The following RPF2 variants were observed in gnomAD, a reference collection of about 807,000 sequenced individuals.
RPF2 encodes ribosome production factor 2 homolog, also known as brix domain containing 1.
RPF2 carries 21 observed loss-of-function variants against 38.9 expected under a neutral mutation model. The observed-to-expected ratio is 0.54, with a 90% CI of 0.38 to 0.78. The LOEUF (loss-of-function observed/expected upper bound fraction) is 0.78. Among genes scored for constraint, RPF2 ranks in the 30% least tolerant of loss-of-function variants. RPF2 has a pLI of 0.00. For synonymous variants in RPF2, 121 were observed against 126.2 expected, an observed-to-expected ratio of 0.96 and a Z score of 0.28; for missense variants, 314 against 358.1, an observed-to-expected ratio of 0.88 and a Z score of 0.99.
At chr6:110,987,203 G>A (rs963617436) in intron 2 of RPF2, among the ~76,000 whole-genome samples, 1 of 151,832 alleles carries the variant, frequency 6.6e-6, no homozygotes, top group South Asian at 2.1e-4. Flanking sequence ...CAAGTAGCTG[G>A]GAGCCACCAC....
At chr6:110,994,235 A>G (rs1169959920) in intron 4 of RPF2, among the ~76,000 whole-genome samples, 1 of 149,664 alleles carries the variant, frequency 6.7e-6, no homozygotes, top group African/African-American at 2.5e-5. Context: ...AGATTGTGGC[A>G]TTGCACTCCA....
intron 8 of RPF2, among the ~76,000 whole-genome samples, chr6:111,018,601 A>G (rs1301203957): frequency 6.6e-6 from 1 of 152,192 alleles, no homozygotes; most frequent in African/African-American, 2.4e-5. Flanking sequence ...CTCTTAGCTG[A>G]TAATTTCCAT....
At position 110,991,728 on chromosome 6, in the gene RPF2, A is replaced by G; in HGVS notation, c.195-19A>G. 3.0e-6 allele frequency: 3 copies of G among 1,012,100 alleles called. No homozygotes were observed. Among genetic ancestry groups the G allele is most frequent in the Non-Finnish European group, 4.3e-6 (3 of 692,960 alleles). 62.7% of individuals were successfully genotyped at this position (1,012,100 alleles called of 1,614,324 possible). On this transcript the variant is annotated intron_variant, in intron 3 of 9. Coordinates refer to ENST00000441448, the MANE Select transcript of RPF2 (RefSeq NM_032194.3). ...ACTTATTTAGATTATTAAAATTGTCACTTTTTTGATATTCTTAGGAAAAAT... is the reference window on the plus strand; with the variant it reads ...ACTTATTTAGATTATTAAAATTGTCGCTTTTTTGATATTCTTAGGAAAAAT...
chr6:111,013,591 A>G (rs1772055275), intron 7 of RPF2, among the ~76,000 whole-genome samples: 1 of 152,152 alleles, frequency 6.6e-6, no homozygotes, highest in African/African-American at 2.4e-5. Context: ...CCATGTGCTT[A>G]TTGTGTTCCT....
At chr6:111,012,328 G>A (rs559731911) in intron 7 of RPF2, among the ~76,000 whole-genome samples, 18 of 151,732 alleles carry the variant, frequency 1.2e-4, no homozygotes, top group South Asian at 6.3e-4. Context: ...ACGTCACCAC[G>A]CCCAGCTAAT....
chr6:111,011,729 A>T (rs1219487860), intron 7 of RPF2, among the ~76,000 whole-genome samples: 4 of 152,198 alleles, frequency 2.6e-5, no homozygotes. Context: ...TGAGGCAGAT[A>T]CTTACAATTT....
rs548635285 is a variant in RPF2, at chr6:111,028,039, G to A, written c.*2457G>A. On this transcript the variant is annotated 3_prime_UTR_variant, in exon 10 of 10. Transcript: ENST00000441448. ...TGTTGGGTTTTGGTAGATGAGGAAA[G>A]CATTTTGGTTATTTGTTTTGTTTTA... 33 of 152,152 alleles carry A rather than the reference G, an allele frequency of 2.2e-4. No individual in the cohort carries two copies. Among genetic ancestry groups the A allele is most frequent in the African/African-American group, 7.2e-4 (30 of 41,520 alleles). 9.4% of individuals were successfully genotyped at this position (152,152 alleles called of 1,614,324 possible).
chr6:110,995,908 T>G (rs3904927), intron 4 of RPF2, among the ~76,000 whole-genome samples: 13,793 of 151,326 alleles, frequency 0.091, 699 homozygotes, highest in Middle Eastern at 0.13. Context: ...GATCTCCTGG[T>G]CTCAAGCGAT....
intron 8 of RPF2, among the ~76,000 whole-genome samples, chr6:111,019,265 G>C: frequency 6.6e-6 from 1 of 152,084 alleles, no homozygotes; most frequent in East Asian, 1.9e-4. Context: ...TGTAATCCCA[G>C]CTACTTGGGA....
At chr6:111,015,089 T>TAA (rs1772083754) in intron 7 of RPF2, among the ~76,000 whole-genome samples, 1 of 152,230 alleles carries the variant, frequency 6.6e-6, no homozygotes, top group South Asian at 2.1e-4. Context: ...ACTACTCTTT[T>TAA]TAAAAGGAAA....
intron 6 of RPF2, among the ~76,000 whole-genome samples, chr6:111,007,041 CA>C (rs561520453): frequency 2.1e-5 from 3 of 145,462 alleles, no homozygotes; most frequent in East Asian, 2.0e-4. Context: ...AAGTCCGTCT[CA>C]AAAAAAAAAG....
Position 110,990,227 on chromosome 6 carries a change from C to G in RPF2, c.194+1162C>G, listed in dbSNP as rs190826665. On this transcript the variant is annotated intron_variant, in intron 3 of 9. Transcript: ENST00000441448. ...TGCTGGGATTACAGGCGTGAGCCAC[C>G]GTGCCCGGCCCTAGTTTTCCTTTTA... Among the ~76,000 whole-genome samples the G allele has an allele frequency of 2.6e-4, 39 of 151,812 alleles. 2 individuals carry two copies. In the East Asian group the frequency reaches 7.1e-3, roughly 28 times the overall value.
chr6:110,990,569 C>T (rs1430500217), intron 3 of RPF2, among the ~76,000 whole-genome samples: 2 of 135,136 alleles, frequency 1.5e-5, no homozygotes, highest in Admixed American at 7.3e-5. Context: ...ACCCCCCCCC[C>T]CCCCACCTTT....
At position 110,997,053 on chromosome 6, in the gene RPF2, C is replaced by G. The variant is rs1009829597; in HGVS notation, c.235-130C>G. 29 of 640,568 alleles carry G rather than the reference C, an allele frequency of 4.5e-5. No individual in the cohort carries two copies. The Admixed American group carries it at 8.1e-4, about 18-fold the overall frequency. 39.7% of individuals were successfully genotyped at this position (640,568 alleles called of 1,614,324 possible). On this transcript the variant is annotated intron_variant, in intron 4 of 9. Transcript: ENST00000441448. The stretch of plus-strand genomic sequence containing the variant: ...CTGATCTCAAGTAATCAACTCGCCT[C>G]GGCGTCCCAAGTGCTGGGATTACAG...
At chr6:111,011,303 TC>T (rs11352581) in intron 7 of RPF2, among the ~76,000 whole-genome samples, 14,959 of 144,874 alleles carry the variant, frequency 0.1, 1,149 homozygotes, top group East Asian at 0.45. Flanking sequence ...TTTCTTTCTT[TC>T]TTTCTTTTTT....
chr6:110,987,793 C>T (rs990583621), intron 2 of RPF2, among the ~76,000 whole-genome samples: 1 of 152,104 alleles, frequency 6.6e-6, no homozygotes, highest in African/African-American at 2.4e-5. Context: ...ACCCATTTCT[C>T]TAATGCAAGG....
intron 6 of RPF2, among the ~76,000 whole-genome samples, chr6:111,003,080 C>A (rs1456271539): frequency 3.8e-5 from 3 of 78,614 alleles, no homozygotes; most frequent in South Asian, 5.0e-4. Context: ...TCATTTTTTA[C>A]CCCCCCCCCT....
intron 6 of RPF2, among the ~76,000 whole-genome samples, chr6:111,005,811 GGTTT>G (rs1771897486): frequency 6.6e-6 from 1 of 151,168 alleles, no homozygotes; most frequent in East Asian, 2.0e-4. Flanking sequence ...TTTTGTATTT[GGTTT>G]GTTTGTTATT....
Position 111,015,869 on chromosome 6 carries a change from C to A in RPF2, c.596+13C>A. ...TTCGAAGCTATAAGTAAGTGCATTT[C>A]TTCACATATTTTCTTAATCCTCAGG... On this transcript the variant is annotated intron_variant, in intron 8 of 9. Coordinates refer to ENST00000441448, the MANE Select transcript of RPF2 (RefSeq NM_032194.3). The A allele has an allele frequency of 1.9e-6, 3 of 1,546,622 alleles. No individual in the cohort carries two copies. The highest frequency in any genetic ancestry group is 2.7e-6 in the Non-Finnish European group (3 of 1,118,956).
Sources: gnomAD v4.1 joint callset for allele counts (sites outside exome capture counted in the v4.1 genomes callset) on GRCh38, gnomAD v4.1.1 for gene constraint, MANE v1.5 for transcripts, NCBI Gene and HGNC (gene_info 2026-07-23, HGNC 2026-07-21) for gene names.